RGS7: variants seen among roughly 807,000 people sequenced by gnomAD.
The protein encoded by RGS7 is regulator of G protein signaling 7, also known as regulator of G-protein signaling 7.
Under a neutral mutation model 81.1 loss-of-function variants are expected in RGS7, and 27 were observed. The ratio of observed to expected loss-of-function variants is 0.33; its 90% confidence interval spans 0.25 to 0.46. The LOEUF (loss-of-function observed/expected upper bound fraction) is 0.46, where lower values mean the gene tolerates loss of function less well. RGS7 is among the 20% of genes least tolerant of loss of function. The pLI, the probability that RGS7 is intolerant of heterozygous loss-of-function variation, is 1.00. For missense variants in RGS7, 396 were observed against 607.4 expected (o/e 0.65, Z 3.66); for synonymous variants, 208 against 207.7 (o/e 1.00, Z -0.01).
At chr1:241,197,877 A>G (rs2073194342) in intron 2 of RGS7, among the ~76,000 whole-genome samples, 1 of 151,776 alleles carries the variant, frequency 6.6e-6, no homozygotes, top group Non-Finnish European at 1.5e-5. Flanking sequence ...TGAAATATTC[A>G]AAACATTACT....
rs575636214 is a variant in RGS7, at chr1:241,340,543, T to C, written c.78+15156A>G. On this transcript the variant is annotated intron_variant, in intron 2 of 18. Coordinates refer to ENST00000440928, the MANE Select transcript of RGS7 (RefSeq NM_001364886.1). The stretch of plus-strand genomic sequence containing the variant: ...GAAAACTCCAAAAACAGTTATTTCA[T>C]AGGTCTAAAACAACTAAAACTGAAT... Among the ~76,000 whole-genome samples the C allele has an allele frequency of 3.9e-5, 6 of 152,326 alleles. 1 individual carries two copies. The South Asian group carries it at 1.0e-3, about 26-fold the overall frequency.
intron 2 of RGS7, among the ~76,000 whole-genome samples, chr1:241,125,454 A>G (rs374947248): frequency 6.8e-6 from 1 of 146,086 alleles, no homozygotes; most frequent in African/African-American, 2.6e-5. Context: ...ACACACACAC[A>G]CGCTGAATTC....
Position 240,776,252 on chromosome 1 carries a change from C to A in RGS7, c.*7-39G>T, listed in dbSNP as rs767115109. ...TAAAACAAGAGAAAAGAAAGAAAAT[C>A]AAGTACGATCACTGAAAACCTGCTT... On this transcript the variant is annotated intron_variant, in intron 18 of 18. Transcript: ENST00000440928. 5 of 1,489,372 alleles carry A rather than the reference C, an allele frequency of 3.4e-6. No homozygotes were observed. In the African/African-American group the frequency reaches 5.5e-5, roughly 16 times the overall value. The allele number at this position is 1,489,372 out of a possible 1,614,324, so 92.3% of individuals were successfully genotyped here. A position where few individuals can be genotyped will look rare whatever the true frequency, so the allele number is the denominator to read the frequency against.
At chr1:241,307,631 G>A (rs1269841898) in intron 2 of RGS7, among the ~76,000 whole-genome samples, 1 of 152,070 alleles carries the variant, frequency 6.6e-6, no homozygotes, top group Non-Finnish European at 1.5e-5. Flanking sequence ...TCTACGACGG[G>A]CCTTTTAATA....
At chr1:241,305,793 C>A in intron 2 of RGS7, 1 of 270,216 alleles carries the variant, frequency 3.7e-6, no homozygotes, top group South Asian at 3.7e-5. Context: ...TTGGTGTTTG[C>A]TGAGGCGCCC....
intron 2 of RGS7, among the ~76,000 whole-genome samples, chr1:241,211,867 A>G (rs1380310516): frequency 6.6e-6 from 1 of 152,210 alleles, no homozygotes; most frequent in African/African-American, 2.4e-5. Flanking sequence ...TTTTCACAAG[A>G]TTCTAAAAAT....
At chr1:241,226,195 A>G (rs1334207167) in intron 2 of RGS7, among the ~76,000 whole-genome samples, 1 of 152,224 alleles carries the variant, frequency 6.6e-6, no homozygotes, top group African/African-American at 2.4e-5. Flanking sequence ...AAAGGAAAAG[A>G]AAAAAAGGAA....
At chr1:241,139,266 C>T (rs1161072004) in intron 2 of RGS7, among the ~76,000 whole-genome samples, 1 of 150,742 alleles carries the variant, frequency 6.6e-6, no homozygotes, top group Non-Finnish European at 1.5e-5. Context: ...TCCTCCCACT[C>T]TCCTTTCCTC....
rs558873854 is a variant in RGS7 at position 240,879,605 on chromosome 1, C to T, written c.386-9486G>A. On this transcript the variant is annotated intron_variant, in intron 6 of 18. Coordinates refer to ENST00000440928, the MANE Select transcript of RGS7 (RefSeq NM_001364886.1). ...TGGAGTGAGTTTTCTTTCATTCCTA[C>T]GTTTATAACTGGAAAGTGACAAAAC... Among the ~76,000 whole-genome samples, 7 of 152,202 alleles carry T rather than the reference C, an allele frequency of 4.6e-5. No homozygotes were observed. The East Asian group carries it at 5.8e-4, about 13-fold the overall frequency.
chr1:241,119,601 C>T (rs1404678974), intron 2 of RGS7, among the ~76,000 whole-genome samples: 2 of 152,176 alleles, frequency 1.3e-5, no homozygotes, highest in African/African-American at 2.4e-5. Context: ...AATACTGATG[C>T]ACTGAGTTAT....
At chr1:240,856,895 C>T (rs1196892513) in intron 9 of RGS7, among the ~76,000 whole-genome samples, 1 of 152,108 alleles carries the variant, frequency 6.6e-6, no homozygotes, top group Non-Finnish European at 1.5e-5. Flanking sequence ...TTTTAAATCA[C>T]ATTGATCATG....
chr1:241,017,310 G>T (rs186432067), intron 3 of RGS7, among the ~76,000 whole-genome samples: 1 of 151,936 alleles, frequency 6.6e-6, no homozygotes, highest in African/African-American at 2.4e-5. Flanking sequence ...GCGTGGTGGC[G>T]CACGCCTGTA....
At chr1:241,121,771 A>G (rs7537243) in intron 2 of RGS7, among the ~76,000 whole-genome samples, 64,068 of 135,728 alleles carry the variant, frequency 0.47, 15,625 homozygotes, top group East Asian at 0.71. Flanking sequence ...AGTCTAGAGT[A>G]CAGTGGCAAG....
At chr1:240,882,327 C>T (rs71648623) in intron 6 of RGS7, among the ~76,000 whole-genome samples, 11,252 of 152,208 alleles carry the variant, frequency 0.074, 578 homozygotes, top group Middle Eastern at 0.14. Context: ...AGAATTAGAC[C>T]TGTGAATTTC....
chr1:240,817,214 C>T (rs1158974296), intron 10 of RGS7, among the ~76,000 whole-genome samples: 1 of 152,088 alleles, frequency 6.6e-6, no homozygotes, highest in African/African-American at 2.4e-5. Context: ...AAGGAAGAAG[C>T]CAAATTATTT....
chr1:241,202,678 C>T (rs1329195471), intron 2 of RGS7, among the ~76,000 whole-genome samples: 2 of 152,180 alleles, frequency 1.3e-5, no homozygotes, highest in African/African-American at 4.8e-5. Flanking sequence ...AGGCAGGCCC[C>T]TCTCTGGAAT....
intron 4 of RGS7, among the ~76,000 whole-genome samples, chr1:240,947,116 G>A (rs1678767256): frequency 6.6e-6 from 1 of 152,190 alleles, no homozygotes; most frequent in Non-Finnish European, 1.5e-5. Flanking sequence ...ACACACACAT[G>A]CCCCCTGGTG....
Position 240,983,070 on chromosome 1 carries a change from T to C in RGS7, c.226+9A>G, listed in dbSNP as rs1468085948. On this transcript the variant is annotated intron_variant, in intron 4 of 18. Coordinates refer to ENST00000440928, the MANE Select transcript of RGS7 (RefSeq NM_001364886.1). The stretch of plus-strand genomic sequence containing the variant: ...AAAAGTTCTTGCAATGGGAAAATGA[T>C]TTATTTACCTGGATCTTCTATAGTT... 1.3e-6 allele frequency: 2 copies of C among 1,489,562 alleles called. No homozygotes were observed. Among genetic ancestry groups the C allele is most frequent in the South Asian group, 2.3e-5 (2 of 87,600 alleles). 92.3% of individuals were successfully genotyped at this position (1,489,562 alleles called of 1,614,324 possible).
chr1:241,258,823 C>T (rs761993833), intron 2 of RGS7, among the ~76,000 whole-genome samples: 3 of 152,196 alleles, frequency 2.0e-5, no homozygotes, highest in East Asian at 1.9e-4. Flanking sequence ...AACTTTTCTA[C>T]GCCAACGAAC....
Sources: allele counts gnomAD v4.1 joint callset (sites outside exome capture counted in the v4.1 genomes callset), GRCh38; gene constraint gnomAD v4.1.1; transcripts MANE v1.5; gene names NCBI Gene and HGNC (gene_info 2026-07-23, HGNC 2026-07-21).